The following PCDH15 variants were observed in gnomAD, a reference collection of about 807,000 sequenced individuals.
PCDH15 encodes the protein protocadherin-15.
In PCDH15, 129 loss-of-function variants were observed where a neutral mutation model predicts 178.5. The observed-to-expected ratio is 0.72, with a 90% CI of 0.63 to 0.84. The LOEUF (loss-of-function observed/expected upper bound fraction) is 0.84, where lower values mean the gene tolerates loss of function less well. Ranked by LOEUF, PCDH15 falls within the 40% of genes least tolerant of loss-of-function variation. The probability of loss-of-function intolerance (pLI) is 0.00; values close to 1 mark genes in which losing one functional copy is unlikely to be tolerated. For synonymous variants in PCDH15, 800 were observed against 732.0 expected, an observed-to-expected ratio of 1.09 and a Z score of -1.50; for missense variants, 2,230 against 2,099.9, an observed-to-expected ratio of 1.06 and a Z score of -1.21.
intron 2 of PCDH15, among the ~76,000 whole-genome samples, chr10:55,157,979 AATAC>A (rs376514972): frequency 0.4 from 59,742 of 150,468 alleles, 12,344 homozygotes; most frequent in African/African-American, 0.53. Flanking sequence ...AATTAACATA[AATAC>A]ATAAATATTG....
intron 14 of PCDH15, among the ~76,000 whole-genome samples, chr10:54,137,507 T>A (rs2043005891): frequency 6.6e-6 from 1 of 152,178 alleles, no homozygotes; most frequent in African/African-American, 2.4e-5. Flanking sequence ...TTGTTTTATC[T>A]GAGCTCCTTC....
chr10:55,572,689 G>C (rs2132111457), intron 2 of PCDH15, among the ~76,000 whole-genome samples: 1 of 152,140 alleles, frequency 6.6e-6, no homozygotes, highest in Admixed American at 6.6e-5. Flanking sequence ...TGGTGCAGGT[G>C]TTGAGGGCAA....
At chr10:55,525,408 G>C (rs760429322) in intron 2 of PCDH15, among the ~76,000 whole-genome samples, 7 of 151,726 alleles carry the variant, frequency 4.6e-5, no homozygotes, top group Non-Finnish European at 1.0e-4. Flanking sequence ...AATAGTGAAA[G>C]TCACTAGATA....
Position 54,358,939 on chromosome 10 carries a change from T to C in PCDH15, c.474+10181A>G, listed in dbSNP as rs1376908323. 4.7e-4 allele frequency among the ~76,000 whole-genome samples: 68 copies of C among 145,116 alleles called. 2 individuals are homozygous for C. Among genetic ancestry groups the C allele is most frequent in the Middle Eastern group, 3.8e-3 (1 of 260 alleles). ...AAAAACCAAACACCGCATATTCTCA[T>C]TCATAGGTGGGAATTGAACAATGAG... is the stretch of plus-strand genomic sequence containing the variant. On this transcript the variant is annotated intron_variant, in intron 5 of 37. Coordinates refer to ENST00000644397, the MANE Select transcript of PCDH15 (RefSeq NM_001384140.1).
intron 2 of PCDH15, among the ~76,000 whole-genome samples, chr10:54,588,664 A>G (rs1256028779): frequency 7.3e-5 from 1 of 13,696 alleles, no homozygotes; most frequent in Non-Finnish European, 3.9e-4. Flanking sequence ...TGCAGCCTCT[A>G]CTTCCCACTC....
intron 2 of PCDH15, among the ~76,000 whole-genome samples, chr10:55,037,691 T>C (rs1031657479): frequency 6.6e-6 from 1 of 152,222 alleles, no homozygotes; most frequent in Non-Finnish European, 1.5e-5. Context: ...GTAAAATATC[T>C]GCGGACTCAT....
intron 2 of PCDH15, among the ~76,000 whole-genome samples, chr10:54,932,398 C>T (rs1413673387): frequency 6.6e-6 from 1 of 152,036 alleles, no homozygotes; most frequent in Non-Finnish European, 1.5e-5. Context: ...TTTTGTACAG[C>T]TGTATGATGT....
intron 2 of PCDH15, among the ~76,000 whole-genome samples, chr10:55,158,364 G>T (rs2680317): frequency 0.94 from 143,078 of 152,052 alleles, 67,596 homozygotes; most frequent in East Asian, 1. Flanking sequence ...GAAGTAAAGT[G>T]GTAGGTGGGG....
At chr10:54,358,555 T>A (rs1353369457) in intron 5 of PCDH15, among the ~76,000 whole-genome samples, 2 of 152,044 alleles carry the variant, frequency 1.3e-5, no homozygotes, top group Non-Finnish European at 2.9e-5. Flanking sequence ...ACTTTTACAC[T>A]GTTGGTGGGA....
At chr10:54,738,108 AC>A (rs1234758560) in intron 1 of PCDH15, among the ~76,000 whole-genome samples, 5 of 152,030 alleles carry the variant, frequency 3.3e-5, no homozygotes, top group Admixed American at 2.6e-4. Flanking sequence ...GAAGTTAGAG[AC>A]TGTTATGAGG....
chr10:54,748,640 G>T (rs2384531), intron 1 of PCDH15, among the ~76,000 whole-genome samples: 148,277 of 152,274 alleles, frequency 0.97, 72,256 homozygotes, highest in East Asian at 1. Flanking sequence ...TAAAGTGTGC[G>T]AAAAAAGGGT....
At chr10:55,076,476 G>T (rs139578904) in intron 2 of PCDH15, among the ~76,000 whole-genome samples, 250 of 149,744 alleles carry the variant, frequency 1.7e-3, no homozygotes, top group African/African-American at 5.7e-3. Flanking sequence ...TTTGGAGACA[G>T]TGTCTCGCTC....
At position 55,598,366 on chromosome 10, in the gene PCDH15, G is replaced by A. The variant is rs1400070556; in HGVS notation, c.-156+29259C>T. ...GTTATATTAACAAGACTGTTCGCCA[G>A]AGTACTACATGCAGCAGCTTAAAAC... On this transcript the variant is annotated intron_variant, in intron 2 of 5. Transcript: ENST00000613346. Among the ~76,000 whole-genome samples the A allele has an allele frequency of 2.6e-5, 4 of 151,514 alleles. No individual in the cohort carries two copies. In the East Asian group the frequency reaches 7.8e-4, roughly 30 times the overall value.
chr10:55,237,910 T>A (rs141640595), intron 1 of PCDH15, among the ~76,000 whole-genome samples: 34 of 152,092 alleles, frequency 2.2e-4, no homozygotes, highest in African/African-American at 7.9e-4. Flanking sequence ...ATAAATATGA[T>A]CTTTTTTCTT....
chr10:53,964,311 T>A (rs2088702117), intron 21 of PCDH15, among the ~76,000 whole-genome samples: 1 of 151,484 alleles, frequency 6.6e-6, no homozygotes, highest in Non-Finnish European at 1.5e-5. Context: ...GTACCTTGAA[T>A]GTTACCTGAC....
At chr10:54,669,465 T>G (rs959336770) in intron 1 of PCDH15, among the ~76,000 whole-genome samples, 5 of 151,318 alleles carry the variant, frequency 3.3e-5, no homozygotes, top group African/African-American at 1.2e-4. Context: ...ATATACAATT[T>G]ATATAAAGAA....
intron 3 of PCDH15, among the ~76,000 whole-genome samples, chr10:54,427,269 GTTTTTTTTTTT>G (rs71007854): frequency 3.5e-5 from 2 of 56,760 alleles, no homozygotes; most frequent in Admixed American, 3.6e-4. Flanking sequence ...TCTTTTTCTG[GTTTTTTTTTTT>G]TTTTTTTTTT....
At chr10:55,623,488 G>A (rs1178613001) in intron 2 of PCDH15, among the ~76,000 whole-genome samples, 1 of 151,950 alleles carries the variant, frequency 6.6e-6, no homozygotes, top group East Asian at 1.9e-4. Context: ...GGGTAGTATG[G>A]ATGAATTCAA....
chr10:53,942,262 TTTAC>T (rs59634623), intron 23 of PCDH15, among the ~76,000 whole-genome samples: 44,890 of 150,638 alleles, frequency 0.3, 8,367 homozygotes, highest in Middle Eastern at 0.54. Context: ...TACTAGTTTA[TTTAC>T]TTACTTATTT....
Sources: allele counts gnomAD v4.1 joint callset (sites outside exome capture counted in the v4.1 genomes callset), GRCh38; gene constraint gnomAD v4.1.1; transcripts MANE v1.5; gene names NCBI Gene and HGNC (gene_info 2026-07-23, HGNC 2026-07-21).